GRIK4: variants seen among roughly 807,000 people sequenced by gnomAD.
GRIK4 encodes glutamate ionotropic receptor kainate type subunit 4.
GRIK4 carries 40 observed loss-of-function variants against 104.9 expected under a neutral mutation model. The ratio of observed to expected loss-of-function variants is 0.38; its 90% CI spans 0.30 to 0.50. The LOEUF is 0.50. GRIK4 is among the 20% of genes least tolerant of loss of function. GRIK4 has a pLI of 0.93. For synonymous variants in GRIK4, 485 were observed against 524.9 expected (o/e 0.92, Z 1.04); for missense variants, 1,047 against 1,308.1 (o/e 0.80, Z 3.08).
chr11:120,726,356 C>A (rs1371798706), intron 3 of GRIK4, among the ~76,000 whole-genome samples: 3 of 152,160 alleles, frequency 2.0e-5, no homozygotes, highest in Non-Finnish European at 4.4e-5. Flanking sequence ...GGCTGCCCTG[C>A]AGGGAGAATA....
At chr11:120,708,309 G>T (rs1467031695) in intron 3 of GRIK4, among the ~76,000 whole-genome samples, 1 of 152,116 alleles carries the variant, frequency 6.6e-6, no homozygotes, top group Non-Finnish European at 1.5e-5. Context: ...GTGTGGTGGT[G>T]GGGGCAGCAA....
At chr11:120,700,270 T>TTC (rs1229399875) in intron 3 of GRIK4, among the ~76,000 whole-genome samples, 1 of 147,582 alleles carries the variant, frequency 6.8e-6, no homozygotes, top group Non-Finnish European at 1.5e-5. Flanking sequence ...ACTACTTTTT[T>TTC]TTTTTTTTTT....
chr11:120,674,158 C>A (rs1950064086), intron 3 of GRIK4, among the ~76,000 whole-genome samples: 1 of 152,186 alleles, frequency 6.6e-6, no homozygotes, highest in Non-Finnish European at 1.5e-5. Flanking sequence ...GGATCCAATT[C>A]ATCAACCTGG....
At chr11:120,908,821 C>T (rs1320554914) in intron 13 of GRIK4, among the ~76,000 whole-genome samples, 2 of 152,352 alleles carry the variant, frequency 1.3e-5, no homozygotes, top group East Asian at 3.9e-4. Context: ...CACTTCTAGG[C>T]TGTGCGCCCA....
chr11:120,900,192 T>C (rs780920760), intron 12 of GRIK4, among the ~76,000 whole-genome samples: 3 of 151,978 alleles, frequency 2.0e-5, no homozygotes, highest in Non-Finnish European at 4.4e-5. Context: ...GAGAGGTCAA[T>C]GAAGGAGGGC....
At chr11:120,916,489 C>T (rs1040714781) in intron 13 of GRIK4, among the ~76,000 whole-genome samples, 1 of 152,210 alleles carries the variant, frequency 6.6e-6, no homozygotes, top group Non-Finnish European at 1.5e-5. Flanking sequence ...TGCATCTTGA[C>T]ATCCTTATGC....
At chr11:120,816,268 A>G (rs968430338) in intron 5 of GRIK4, among the ~76,000 whole-genome samples, 1 of 151,988 alleles carries the variant, frequency 6.6e-6, no homozygotes, top group African/African-American at 2.4e-5. Flanking sequence ...GGATCCATCA[A>G]TCCTTCCCCT....
chr11:120,970,197 GAGC>G (rs1382460540), intron 19 of GRIK4, among the ~76,000 whole-genome samples: 1 of 152,184 alleles, frequency 6.6e-6, no homozygotes, highest in Non-Finnish European at 1.5e-5. Context: ...TTCGCACCAG[GAGC>G]TGTCCGCTCA....
intron 3 of GRIK4, among the ~76,000 whole-genome samples, chr11:120,672,117 T>C (rs571308926): frequency 1.3e-5 from 2 of 152,292 alleles, no homozygotes; most frequent in South Asian, 4.1e-4. Flanking sequence ...GGCTCTTTTT[T>C]GGTTCCATAT....
intron 1 of GRIK4, among the ~76,000 whole-genome samples, chr11:120,611,209 C>T (rs1949034076): frequency 6.6e-6 from 1 of 152,150 alleles, no homozygotes; most frequent in South Asian, 2.1e-4. Context: ...CACCCAGTAG[C>T]TCCAAAGTGT....
At chr11:120,960,183 G>A (rs935675067) in intron 16 of GRIK4, among the ~76,000 whole-genome samples, 1 of 152,170 alleles carries the variant, frequency 6.6e-6, no homozygotes, top group Non-Finnish European at 1.5e-5. Context: ...ACAAAAATTT[G>A]CTGGGCATGG....
intron 11 of GRIK4, among the ~76,000 whole-genome samples, chr11:120,888,260 T>C (rs148130673): frequency 4.6e-5 from 7 of 152,192 alleles, no homozygotes; most frequent in African/African-American, 1.7e-4. Flanking sequence ...TTAGTATTAG[T>C]ATCTATATCT....
chr11:120,557,696 G>A (rs1411072756), intron 1 of GRIK4, among the ~76,000 whole-genome samples: 1 of 152,182 alleles, frequency 6.6e-6, no homozygotes, highest in Non-Finnish European at 1.5e-5. Context: ...AGAGGCTTCT[G>A]TCAGCTCTTT....
intron 13 of GRIK4, among the ~76,000 whole-genome samples, chr11:120,928,070 C>G (rs1943392127): frequency 6.6e-6 from 1 of 151,886 alleles, no homozygotes; most frequent in African/African-American, 2.4e-5. Context: ...CAAAAATTAG[C>G]CGGGCATGGT....
chr11:120,857,236 G>T (rs1954128245), intron 8 of GRIK4, among the ~76,000 whole-genome samples: 1 of 152,194 alleles, frequency 6.6e-6, no homozygotes, highest in Non-Finnish European at 1.5e-5. Flanking sequence ...GCGATGAACA[G>T]GCTGTAGACC....
intron 3 of GRIK4, among the ~76,000 whole-genome samples, chr11:120,705,317 C>G (rs1236740536): frequency 6.6e-6 from 1 of 151,850 alleles, no homozygotes; most frequent in African/African-American, 2.4e-5. Flanking sequence ...CTACTGCCTC[C>G]TGGGTTCAGG....
chr11:120,610,371 A>G (rs1949019601), intron 1 of GRIK4, among the ~76,000 whole-genome samples: 2 of 152,202 alleles, frequency 1.3e-5, no homozygotes, highest in Admixed American at 6.5e-5. Flanking sequence ...CAAAATATAC[A>G]CTCAGAGATG....
chr11:120,649,971 T>C (rs1179252749), intron 1 of GRIK4, among the ~76,000 whole-genome samples: 1 of 152,186 alleles, frequency 6.6e-6, no homozygotes, highest in Non-Finnish European at 1.5e-5. Context: ...ATGTGGTCTT[T>C]GCCAGGAGCG....
At chr11:120,831,085 T>C (rs1171669494) in intron 6 of GRIK4, among the ~76,000 whole-genome samples, 1 of 152,052 alleles carries the variant, frequency 6.6e-6, no homozygotes, top group Non-Finnish European at 1.5e-5. Flanking sequence ...AGTCCCTTTT[T>C]TCTGTTTTGT....
Sources: allele counts gnomAD v4.1 joint callset (sites outside exome capture counted in the v4.1 genomes callset), GRCh38; gene constraint gnomAD v4.1.1; transcripts MANE v1.5; gene names NCBI Gene and HGNC (gene_info 2026-07-23, HGNC 2026-07-21).